Variants in ABCC1 observed in about 807,000 individuals in gnomAD.
ABCC1 encodes ATP binding cassette subfamily C member 1 (ABCC1 blood group).
A neutral mutation model predicts 172.9 loss-of-function variants in ABCC1; 83 were observed. The ratio of observed to expected loss-of-function variants is 0.48; its 90% CI spans 0.40 to 0.58. ABCC1 has a LOEUF of 0.58. ABCC1 is among the 20% of genes least tolerant of loss of function. The pLI is 0.00. For missense variants in ABCC1, 1,817 were observed against 2,002.7 expected (o/e 0.91, Z 1.77); for synonymous variants, 937 against 825.2 (o/e 1.14, Z -2.32).
At chr16:15,997,092 T>TA (rs2047082679) in intron 1 of ABCC1, among the ~76,000 whole-genome samples, 1 of 83,188 alleles carries the variant, frequency 1.2e-5, no homozygotes, top group African/African-American at 3.7e-5. Flanking sequence ...ATGCGCTTTC[T>TA]CTTTTTTTTT....
At chr16:16,074,101 C>T (rs1281979403) in intron 14 of ABCC1, among the ~76,000 whole-genome samples, 12 of 152,124 alleles carry the variant, frequency 7.9e-5, no homozygotes, top group Non-Finnish European at 1.6e-4. Flanking sequence ...TTATCCTGGG[C>T]GCTACTGACA....
chr16:16,025,536 T>G (rs986042805), intron 5 of ABCC1, among the ~76,000 whole-genome samples: 3 of 152,090 alleles, frequency 2.0e-5, no homozygotes, highest in Non-Finnish European at 2.9e-5. Flanking sequence ...GCAGGGGTTG[T>G]GGGGGGCACT....
intron 3 of ABCC1, among the ~76,000 whole-genome samples, chr16:16,012,953 T>G (rs1328730532): frequency 6.6e-6 from 1 of 151,972 alleles, no homozygotes; most frequent in Admixed American, 6.6e-5. Flanking sequence ...AAAGTGCTGG[T>G]ATTACAGGCG....
At position 16,086,968 on chromosome 16, in the gene ABCC1, C is replaced by T. The variant is rs936841807; in HGVS notation, c.2437C>T (p.Pro813Ser). Reference sequence around the variant, plus strand: ...ACACATCTTTGAAAATGTGATTGGCCCCAAGGGGATGCTGAAGAACAAGGT... The same window carrying T: ...ACACATCTTTGAAAATGTGATTGGCTCCAAGGGGATGCTGAAGAACAAGGT... Reference protein sequence around the residue: ...GKHIFENVIGPKGMLKNKTRI... With the variant: ...GKHIFENVIGSKGMLKNKTRI... Residue 813 changes from proline to serine, a missense_variant, in exon 18 of 31, where the codon CCC becomes TCC. Pro to Ser is a moderately conservative substitution (Grantham distance 74). Transcript: ENST00000399410. 5 of 1,614,012 alleles carry T rather than the reference C, an allele frequency of 3.1e-6. No homozygotes were observed. The highest frequency in any genetic ancestry group is 1.3e-5 in the African/African-American group (1 of 74,918).
intron 28 of ABCC1, among the ~76,000 whole-genome samples, 164 bp from the exon 29 acceptor site, chr16:16,136,314 G>A (rs539774634): frequency 1.1e-4 from 16 of 152,208 alleles, no homozygotes; most frequent in African/African-American, 2.9e-4. Flanking sequence ...GTGAACCACC[G>A]TACCTGGCCT....
In ABCC1 at chr16:16,102,690, C is replaced by T. The variant is rs1405203094; in HGVS notation, c.2708C>T (p.Thr903Met). Residue 903 changes from threonine (T) to methionine (M), a missense_variant, in exon 20 of 31, where the codon ACG (threonine) becomes ATG (methionine). This residue lies in a region of ABCC1 where 1,412 missense variants were observed against 1,600.3 expected (regional missense o/e 0.88). Transcript: ENST00000399410. ...CAAATGGAGAATGGCATGCTGGTGA[C>T]GGACAGTGCAGGGAAGCAACTGCAG... The part of the protein sequence containing the change: ...AKQMENGMLV[T>M]DSAGKQLQRQ... The T allele has an allele frequency of 1.9e-5, 30 of 1,587,594 alleles. No individual in the cohort carries two copies. Among genetic ancestry groups the T allele is most frequent in the East Asian group, 1.8e-4 (8 of 43,874 alleles).
chr16:16,111,292 G>T, intron 21 of ABCC1, 83 bp from the exon 22 acceptor site: 1 of 1,180,858 alleles, frequency 8.5e-7, no homozygotes, highest in Non-Finnish European at 1.3e-6. Flanking sequence ...GCACAGTGCT[G>T]GTGAAGCCCC....
At chr16:16,106,110 C>T (rs2052086630) in intron 20 of ABCC1, among the ~76,000 whole-genome samples, 1 of 152,006 alleles carries the variant, frequency 6.6e-6, no homozygotes, top group Non-Finnish European at 1.5e-5. Flanking sequence ...CTCCTGGCCT[C>T]AAGTGATCCG....
chr16:15,989,726 CTGTT>C (rs1445716886), intron 1 of ABCC1, among the ~76,000 whole-genome samples: 1 of 152,110 alleles, frequency 6.6e-6, no homozygotes, highest in Non-Finnish European at 1.5e-5. Flanking sequence ...ATCTTCTCAC[CTGTT>C]TGTCTCTGTG....
intron 7 of ABCC1, among the ~76,000 whole-genome samples, chr16:16,039,948 G>A (rs916739354): frequency 1.3e-5 from 2 of 152,132 alleles, no homozygotes; most frequent in Admixed American, 1.3e-4. Context: ...GCAGGAGAAG[G>A]ATTTGCAGGG....
At position 16,040,064 on chromosome 16, in the gene ABCC1, T is replaced by TGTATGTATGTA. The variant is rs34325137; in HGVS notation, c.809+3461_809+3462insGTATGTATGTA. 1.7e-3 allele frequency among the ~76,000 whole-genome samples: 232 copies of TGTATGTATGTA among 134,872 alleles called. 1 individual carries two copies. Among genetic ancestry groups the TGTATGTATGTA allele is most frequent in the East Asian group, 8.1e-3 (39 of 4,790 alleles). The allele number at this position is 134,872 out of a possible 152,430, so 88.5% of individuals were successfully genotyped here. On this transcript the variant is annotated intron_variant, in intron 7 of 30. Coordinates refer to ENST00000399410, the MANE Select transcript of ABCC1 (RefSeq NM_004996.4). ...TGAGTTCTGTTGTTTGTTTGTTTGT[T>TGTATGTATGTA]TGTATGTATGTATGTATGTATGTAT... is the stretch of plus-strand genomic sequence containing the variant.
chr16:15,989,068 CAAAAAAAAAA>C (rs35441399), intron 1 of ABCC1, among the ~76,000 whole-genome samples: 1 of 76,682 alleles, frequency 1.3e-5, no homozygotes, highest in Non-Finnish European at 2.5e-5. Context: ...GACTCTGTCT[CAAAAAAAAAA>C]AAAAAAAAAA....
At chr16:16,100,343 C>T (rs2051673117) in intron 19 of ABCC1, among the ~76,000 whole-genome samples, 1 of 97,942 alleles carries the variant, frequency 1.0e-5, no homozygotes, top group Admixed American at 1.2e-4. Flanking sequence ...GGAGGGTGGC[C>T]TGAGGCTGCT....
chr16:16,057,190 A>AAAAAAAAAGAAAG (rs1446687398), intron 12 of ABCC1, among the ~76,000 whole-genome samples: 1 of 142,774 alleles, frequency 7.0e-6, no homozygotes, highest in African/African-American at 2.6e-5. Context: ...TAAAAAAAAA[A>AAAAAAAAAGAAAG]AAAAAAAAGA....
chr16:16,082,441 A>G (rs1487027380), intron 16 of ABCC1, among the ~76,000 whole-genome samples: 1 of 152,144 alleles, frequency 6.6e-6, no homozygotes, highest in Non-Finnish European at 1.5e-5. Context: ...ATATATAGAG[A>G]ATTAACTACC....
At chr16:16,041,591 G>A (rs1039198317) in intron 7 of ABCC1, among the ~76,000 whole-genome samples, 2 of 152,074 alleles carry the variant, frequency 1.3e-5, no homozygotes, top group African/African-American at 4.8e-5. Context: ...AGAGTGAGAA[G>A]GAAAACCCTG....
At chr16:16,013,656 A>G (rs1471572714) in intron 3 of ABCC1, among the ~76,000 whole-genome samples, 2 of 152,176 alleles carry the variant, frequency 1.3e-5, no homozygotes, top group Non-Finnish European at 2.9e-5. Context: ...TGATTCCTCA[A>G]AAGGCACAAA....
At chr16:16,018,216 A>T (rs547348245) in intron 5 of ABCC1, among the ~76,000 whole-genome samples, 1 of 152,092 alleles carries the variant, frequency 6.6e-6, no homozygotes, top group Non-Finnish European at 1.5e-5. Context: ...GGGCATCAGT[A>T]TGGAGGAGGA....
At chr16:16,028,491 C>T (rs957499304) in intron 5 of ABCC1, among the ~76,000 whole-genome samples, 1 of 152,150 alleles carries the variant, frequency 6.6e-6, no homozygotes, top group Non-Finnish European at 1.5e-5. Context: ...GCACCTTGGT[C>T]TTTCACAGTG....
Sources: allele counts gnomAD v4.1 joint callset (sites outside exome capture counted in the v4.1 genomes callset), GRCh38; gene constraint gnomAD v4.1.1; regional missense constraint gnomAD v4.1.1; transcripts MANE v1.5; gene names NCBI Gene and HGNC (gene_info 2026-07-23, HGNC 2026-07-21).